COL12A1: variants seen among roughly 807,000 people sequenced by gnomAD.
The protein encoded by COL12A1 is collagen alpha-1(XII) chain.
A neutral mutation model predicts 349.7 loss-of-function variants in COL12A1; 114 were observed. The observed-to-expected ratio is 0.33, with a 90% CI of 0.28 to 0.38. The LOEUF (loss-of-function observed/expected upper bound fraction) is 0.38, where lower values mean the gene tolerates loss of function less well. Ranked by LOEUF, COL12A1 falls within the 10% of genes least tolerant of loss-of-function variation. The pLI, the probability that COL12A1 is intolerant of heterozygous loss-of-function variation, is 1.00. For synonymous variants in COL12A1, 1,369 were observed against 1,329.0 expected, an observed-to-expected ratio of 1.03 and a Z score of -0.66; for missense variants, 3,284 against 3,756.9, an observed-to-expected ratio of 0.87 and a Z score of 3.29.
intron 10 of COL12A1, among the ~76,000 whole-genome samples, chr6:75,182,128 A>G (rs1167126679): frequency 2.0e-5 from 3 of 151,670 alleles, no homozygotes; most frequent in Admixed American, 2.0e-4. Context: ...AAAACAGTAC[A>G]TAGGAAAGCC....
intron 10 of COL12A1, among the ~76,000 whole-genome samples, chr6:75,182,282 A>G (rs1271567623): frequency 1.3e-5 from 2 of 151,882 alleles, no homozygotes; most frequent in Middle Eastern, 3.4e-3. Flanking sequence ...ACATAGGTGT[A>G]CATGTGCCAT....
chr6:75,104,500 C>A (rs888987144), intron 54 of COL12A1, among the ~76,000 whole-genome samples: 1 of 152,140 alleles, frequency 6.6e-6, no homozygotes, highest in Non-Finnish European at 1.5e-5. Context: ...TCCCTGAGCT[C>A]CTCCTGTGTT....
chr6:75,107,199 A>AT (rs1045997584), intron 52 of COL12A1, among the ~76,000 whole-genome samples: 1 of 151,870 alleles, frequency 6.6e-6, no homozygotes, highest in African/African-American at 2.4e-5. Flanking sequence ...GCCTTGTGTT[A>AT]TTTTTTAAGA....
chr6:75,205,511 G>C (rs1475917376), intron 1 of COL12A1, among the ~76,000 whole-genome samples: 1 of 151,940 alleles, frequency 6.6e-6, no homozygotes, highest in African/African-American at 2.4e-5. Context: ...TCTAGAAACG[G>C]AAACACTGAA....
intron 38 of COL12A1, among the ~76,000 whole-genome samples, chr6:75,126,781 AT>A (rs1224202443): frequency 1.3e-5 from 2 of 152,168 alleles, no homozygotes; most frequent in Non-Finnish European, 2.9e-5. Flanking sequence ...ATCTCAAATC[AT>A]TTTTAGAATG....
chr6:75,128,247 TATTGACAATTTCAAAGC>T, intron 38 of COL12A1, 32 bp downstream of exon 38: 1 of 1,490,726 alleles, frequency 6.7e-7, no homozygotes, highest in South Asian at 1.5e-5. Flanking sequence ...AACATTAACA[TATTGACAATTTCAAAGC>T]AAAAATAAAA....
chr6:75,086,276 G>C lies in COL12A1; in HGVS notation c.*271C>G, dbSNP rs943276809. The C allele has an allele frequency of 1.9e-5, 4 of 214,986 alleles. No homozygotes were observed. The highest frequency in any genetic ancestry group is 3.8e-5 in the Non-Finnish European group (4 of 106,602). 13.3% of individuals were successfully genotyped at this position (214,986 alleles called of 1,614,324 possible). On this transcript the variant is annotated 3_prime_UTR_variant, in exon 66 of 66. Transcript: ENST00000322507. Reference sequence around the variant, plus strand: ...TCTTTCAAAACTGAGGCTCCTCATGGCTGTGTGTTGGAACTTTTTTAAAAT... The same window carrying C: ...TCTTTCAAAACTGAGGCTCCTCATGCCTGTGTGTTGGAACTTTTTTAAAAT...
chr6:75,197,601 T>C (rs1433041869), intron 2 of COL12A1, among the ~76,000 whole-genome samples: 1 of 152,178 alleles, frequency 6.6e-6, no homozygotes, highest in Admixed American at 6.5e-5. Flanking sequence ...AATAAGCCAC[T>C]GTGCCCAGCC....
intron 59 of COL12A1, among the ~76,000 whole-genome samples, chr6:75,096,895 C>CAA (rs35243223): frequency 0.017 from 1,234 of 73,186 alleles, 31 homozygotes; most frequent in African/African-American, 0.058. Flanking sequence ...GACTCCGTCT[C>CAA]AAAAAAAAAA....
intron 59 of COL12A1, 141 bp downstream of exon 59, chr6:75,097,112 A>G (rs1231381369): frequency 1.9e-6 from 1 of 525,180 alleles, no homozygotes; most frequent in African/African-American, 1.9e-5. Context: ...GCACATTTTG[A>G]TGTAGGTAAA....
intron 38 of COL12A1, 134 bp downstream of exon 38, chr6:75,128,162 A>T: frequency 1.4e-6 from 1 of 737,886 alleles, no homozygotes; most frequent in Non-Finnish European, 2.0e-6. Flanking sequence ...GTCTAATAAA[A>T]ATAATACAAT....
chr6:75,101,550 C>G (rs774905347), intron 58 of COL12A1, 50 bp downstream of exon 58: 1 of 1,559,154 alleles, frequency 6.4e-7, no homozygotes, highest in East Asian at 2.2e-5. Context: ...TAATAGGCAA[C>G]CATATGACAT....
rs940220067 is a variant in COL12A1, at chr6:75,121,190, A to G, written c.7086+112T>C. The stretch of plus-strand genomic sequence containing the variant: ...TACATGAATAAAAGAAATAGCAAAT[A>G]GGAGAAGGTCAAAACAGAGTTTATA... On this transcript the variant is annotated intron_variant, in intron 44 of 65. Transcript: ENST00000322507. The G allele has an allele frequency of 4.1e-6, 4 of 965,536 alleles. No homozygotes were observed. In the Admixed American group the frequency reaches 1.2e-4, roughly 29 times the overall value. 59.8% of individuals were successfully genotyped at this position (965,536 alleles called of 1,614,324 possible).
At chr6:75,100,409 G>T (rs558630366) in intron 58 of COL12A1, among the ~76,000 whole-genome samples, 42 of 152,088 alleles carry the variant, frequency 2.8e-4, no homozygotes, top group African/African-American at 9.6e-4. Flanking sequence ...ATATTCTGGG[G>T]TTTATTTTCT....
chr6:75,097,123 T>C, intron 59 of COL12A1, 130 bp downstream of exon 59: 1 of 578,580 alleles, frequency 1.7e-6, no homozygotes, highest in Non-Finnish European at 3.0e-6. Flanking sequence ...TGTAGGTAAA[T>C]AAAAACACAG....
At position 75,112,119 on chromosome 6, in the gene COL12A1, T is replaced by C. The variant is rs568573057; in HGVS notation, c.7950+1085A>G. The stretch of plus-strand genomic sequence containing the variant: ...TTTAAAGCATCTGTGCAACAACTGG[T>C]ATTCCTGTTAACATAATCCAATGGA... On this transcript the variant is annotated intron_variant, in intron 51 of 65. Transcript: ENST00000322507. 4.6e-5 allele frequency among the ~76,000 whole-genome samples: 7 copies of C among 151,968 alleles called. No individual in the cohort carries two copies. The East Asian group carries it at 7.7e-4, about 17-fold the overall frequency.
At chr6:75,089,999 AC>A in intron 63 of COL12A1, 110 bp downstream of exon 63, 1 of 1,165,080 alleles carries the variant, frequency 8.6e-7, no homozygotes. Flanking sequence ...TCCAAACAAG[AC>A]CAGGGAAAGC....
intron 48 of COL12A1, 22 bp downstream of exon 48, chr6:75,115,997 G>T: frequency 1.2e-6 from 2 of 1,613,054 alleles, no homozygotes; most frequent in Non-Finnish European, 1.7e-6. Context: ...AAATTAATTT[G>T]CCCCAAAGTA....
intron 38 of COL12A1, among the ~76,000 whole-genome samples, chr6:75,127,781 G>T (rs547788712): frequency 6.6e-6 from 1 of 152,236 alleles, no homozygotes; most frequent in South Asian, 2.1e-4. Context: ...GTGTAAAAAT[G>T]GGTCTGAACA....
Sources: gnomAD v4.1 joint callset for allele counts (sites outside exome capture counted in the v4.1 genomes callset) on GRCh38, gnomAD v4.1.1 for gene constraint, MANE v1.5 for transcripts, NCBI Gene and HGNC (gene_info 2026-07-23, HGNC 2026-07-21) for gene names.